RHAG: variants seen among roughly 807,000 people sequenced by gnomAD.
The protein encoded by RHAG is Rh associated glycoprotein.
A neutral mutation model predicts 42.4 loss-of-function variants in RHAG; 25 were observed. The observed-to-expected ratio is 0.59, with a 90% CI of 0.43 to 0.82. The LOEUF is 0.82. RHAG is among the 40% of genes least tolerant of loss of function. The pLI is 0.00. For missense variants in RHAG, 483 were observed against 504.6 expected (o/e 0.96, Z 0.41); for synonymous variants, 182 against 177.7 (o/e 1.02, Z -0.19).
rs185050406 is a variant in RHAG at position 49,623,637 on chromosome 6, C to G, written c.158-4275G>C. Reference sequence around the variant, plus strand: ...TGTCTGGAGACATTTGTGGTTGTTGCAACTTGAGGAAGTAGAGTGGTGCCG... The same window carrying G: ...TGTCTGGAGACATTTGTGGTTGTTGGAACTTGAGGAAGTAGAGTGGTGCCG... On this transcript the variant is annotated intron_variant, in intron 1 of 9. Coordinates refer to ENST00000371175, the MANE Select transcript of RHAG (RefSeq NM_000324.3). 3.9e-5 allele frequency among the ~76,000 whole-genome samples: 6 copies of G among 152,234 alleles called. No homozygotes were observed. In the East Asian group the frequency reaches 1.2e-3, roughly 29 times the overall value.
intron 5 of RHAG, 121 bp downstream of exon 5, chr6:49,614,566 C>T: frequency 1.2e-6 from 1 of 864,852 alleles, no homozygotes; most frequent in Non-Finnish European, 2.0e-6. Context: ...GAACATTCTA[C>T]AAGGTCTGCT....
rs553594243 is a variant in RHAG, at chr6:49,605,388, A to G, written c.*425T>C. On this transcript the variant is annotated 3_prime_UTR_variant, in exon 10 of 10. Coordinates refer to ENST00000371175, the MANE Select transcript of RHAG (RefSeq NM_000324.3). ...TACTTTACACACATGCATTTCTTTA[A>G]TTATTTTTTTACATAGATTTCTCAC... 3.7e-5 allele frequency: 8 copies of G among 219,018 alleles called. No homozygotes were observed. Among genetic ancestry groups the G allele is most frequent in the Non-Finnish European group, 6.5e-5 (7 of 107,978 alleles). 13.6% of individuals were successfully genotyped at this position (219,018 alleles called of 1,614,324 possible). A position where few individuals can be genotyped will look rare whatever the true frequency, so the allele number is the denominator to read the frequency against.
At chr6:49,606,957 C>A (rs774860927) in intron 8 of RHAG, 36 bp from the exon 9 acceptor site, 6 of 1,482,344 alleles carry the variant, frequency 4.0e-6, no homozygotes, top group Non-Finnish European at 5.7e-6. Flanking sequence ...CATGTTGTGA[C>A]GCTGAAGAGG....
chr6:49,605,829 AC>A lies in RHAG; in HGVS notation c.1213del (p.Val405SerfsTer58), dbSNP rs1774152804. On this transcript the variant is annotated frameshift_variant and splice_region_variant, in exon 10 of 10. Transcript: ENST00000371175. LOFTEE classifies it high-confidence loss of function. ...NCYDDSVYWK[V>X]PKTR Reference sequence around the variant, plus strand: ...ATTGTCAAGTTATCTCGTCTTAGGGACCTTTAAAAAAACAAGTTTGAGGGCA... The same window carrying A: ...ATTGTCAAGTTATCTCGTCTTAGGGACTTTAAAAAAACAAGTTTGAGGGCA... 3 of 1,612,906 alleles carry A rather than the reference AC, an allele frequency of 1.9e-6. No individual in the cohort carries two copies. The highest frequency in any genetic ancestry group is 2.5e-6 in the Non-Finnish European group (3 of 1,179,078).
At chr6:49,628,595 G>A (rs560077150) in intron 1 of RHAG, among the ~76,000 whole-genome samples, 13 of 151,880 alleles carry the variant, frequency 8.6e-5, no homozygotes, top group Non-Finnish European at 1.8e-4. Flanking sequence ...TGGCTCAGGA[G>A]TGAAGCTGCA....
chr6:49,605,489 C>T lies in RHAG; in HGVS notation c.*324G>A. On this transcript the variant is annotated 3_prime_UTR_variant, in exon 10 of 10. Coordinates refer to ENST00000371175, the MANE Select transcript of RHAG (RefSeq NM_000324.3). ...CATAGTGTCTACATTAAGAAACTGA[C>T]ATGTTTACTCTGTATTTACTCACTG... 2.6e-6 allele frequency: 1 copy of T among 381,660 alleles called. No homozygotes were observed. The highest frequency in any genetic ancestry group is 3.9e-5 in the Admixed American group (1 of 25,758). 23.6% of individuals were successfully genotyped at this position (381,660 alleles called of 1,614,324 possible).
intron 1 of RHAG, among the ~76,000 whole-genome samples, chr6:49,629,090 A>T (rs916445133): frequency 2.6e-5 from 4 of 152,120 alleles, no homozygotes; most frequent in Non-Finnish European, 5.9e-5. Context: ...CATCCCCATC[A>T]GATTAGTTAG....
chr6:49,609,879 C>T (rs1311450974), intron 7 of RHAG, among the ~76,000 whole-genome samples: 2 of 152,130 alleles, frequency 1.3e-5, no homozygotes, highest in African/African-American at 4.8e-5. Context: ...GAGCATTCTG[C>T]TATGCAGCCA....
Position 49,619,685 on chromosome 6 carries a change from A to G in RHAG, c.158-323T>C, listed in dbSNP as rs191558328. Among the ~76,000 whole-genome samples, 10 of 152,180 alleles carry G rather than the reference A, an allele frequency of 6.6e-5. No homozygotes were observed. The East Asian group carries it at 1.7e-3, about 26-fold the overall frequency. ...ACTTACAAAGCACAGAGCAAGCATC[A>G]CCCCTTCTTGAAGACTTTCCCAATA... On this transcript the variant is annotated intron_variant, in intron 1 of 9. Coordinates refer to ENST00000371175, the MANE Select transcript of RHAG (RefSeq NM_000324.3).
In RHAG at chr6:49,610,928, T is replaced by C. The variant is rs1258630925; in HGVS notation, c.1067+96A>G. 4.7e-6 allele frequency: 7 copies of C among 1,483,644 alleles called. No homozygotes were observed. In the East Asian group the frequency reaches 6.8e-5, roughly 14 times the overall value. 91.9% of individuals were successfully genotyped at this position (1,483,644 alleles called of 1,614,324 possible). ...GCTCCAGTAAAGACAATACAAACCA[T>C]GGCCAGAACAGCTAAAATGAAAACT... On this transcript the variant is annotated intron_variant, in intron 7 of 9. Coordinates refer to ENST00000371175, the MANE Select transcript of RHAG (RefSeq NM_000324.3).
chr6:49,614,629 C>G, intron 5 of RHAG, 58 bp downstream of exon 5: 1 of 1,453,804 alleles, frequency 6.9e-7, no homozygotes, highest in South Asian at 1.1e-5. Flanking sequence ...TACTACTTAT[C>G]TGAGCAACTG....
chr6:49,615,408 T>A (rs989225301), intron 4 of RHAG: 6 of 427,492 alleles, frequency 1.4e-5, no homozygotes, highest in Non-Finnish European at 2.1e-5. Flanking sequence ...TATTATTATT[T>A]TTTAGAGATG....
intron 1 of RHAG, among the ~76,000 whole-genome samples, chr6:49,634,825 G>T (rs867081740): frequency 6.6e-6 from 1 of 151,702 alleles, no homozygotes; most frequent in Non-Finnish European, 1.5e-5. Context: ...TATAATTGAC[G>T]TATACAATTA....
chr6:49,616,993 CCTT>C (rs1287179702), intron 3 of RHAG, among the ~76,000 whole-genome samples: 2 of 152,156 alleles, frequency 1.3e-5, no homozygotes, highest in Admixed American at 6.5e-5. Context: ...GGCAAAATAA[CCTT>C]CTCTGTTTTT....
rs202053770 is a variant in RHAG at position 49,611,089 on chromosome 6, G to A, written c.1002C>T (p.His334=). ...IHDTCGVHNL[H]GLPGVVGGLA... is the part of the protein sequence containing the mutation. ...GGCCTCCCACTACACCAGGTAAGCC[G>A]TGGAGGTTATGGACCCCACATGTAT... is the stretch of plus-strand genomic sequence containing the variant. The change falls in exon 7 of 10, where the codon CAC becomes CAT. Residue 334 remains histidine, a synonymous_variant. Coordinates refer to ENST00000371175, the MANE Select transcript of RHAG (RefSeq NM_000324.3). The A allele has an allele frequency of 1.1e-5, 18 of 1,613,810 alleles. No individual in the cohort carries two copies. The highest frequency in any genetic ancestry group is 4.5e-5 in the East Asian group (2 of 44,868).
intron 1 of RHAG, among the ~76,000 whole-genome samples, chr6:49,635,486 T>C (rs1581955288): frequency 6.6e-6 from 1 of 152,128 alleles, no homozygotes; most frequent in South Asian, 2.1e-4. Flanking sequence ...AATGGATGAA[T>C]GAATGAAATG....
rs1404918471 is a variant in RHAG at position 49,605,335 on chromosome 6, A to C, written c.*478T>G. The C allele has an allele frequency of 1.2e-5, 2 of 169,006 alleles. No individual in the cohort carries two copies. The highest frequency in any genetic ancestry group is 2.6e-5 in the Non-Finnish European group (2 of 76,976). The allele number at this position is 169,006 out of a possible 1,614,324, so 10.5% of individuals were successfully genotyped here. A position where few individuals can be genotyped will look rare whatever the true frequency, so the allele number is the denominator to read the frequency against. ...ACTAACTAGACTATTTTTAAAATAAAAAGCACTACCTAAAATCATCATATT... is the reference window on the plus strand; with the variant it reads ...ACTAACTAGACTATTTTTAAAATAACAAGCACTACCTAAAATCATCATATT... On this transcript the variant is annotated 3_prime_UTR_variant, in exon 10 of 10. Transcript: ENST00000371175.
chr6:49,628,644 G>A (rs974977829), intron 1 of RHAG, among the ~76,000 whole-genome samples: 2 of 150,636 alleles, frequency 1.3e-5, no homozygotes, highest in Admixed American at 6.6e-5. Flanking sequence ...AAGGTGGCGC[G>A]TCTGGAGTTG....
In RHAG at chr6:49,611,008, C is replaced by T. The variant is rs1005865814; in HGVS notation, c.1067+16G>A. 1 of 1,613,562 alleles carries T rather than the reference C, an allele frequency of 6.2e-7. No individual in the cohort carries two copies. Among genetic ancestry groups the T allele is most frequent in the Admixed American group, 1.7e-5 (1 of 59,964 alleles). On this transcript the variant is annotated intron_variant, in intron 7 of 9. Coordinates refer to ENST00000371175, the MANE Select transcript of RHAG (RefSeq NM_000324.3). ...CATGGGACCACAGGGGCTGAAAAAC[C>T]CATTCTTTTACTCACGTGTTGGAGG...
Sources: allele counts gnomAD v4.1 joint callset (sites outside exome capture counted in the v4.1 genomes callset), GRCh38; gene constraint gnomAD v4.1.1; transcripts MANE v1.5; gene names NCBI Gene and HGNC (gene_info 2026-07-23, HGNC 2026-07-21).